Variants in CLIC2 observed in about 807,000 individuals in gnomAD.
CLIC2 encodes the protein chloride intracellular channel protein 2.
In CLIC2, 9 loss-of-function variants were observed where a neutral mutation model predicts 14.8. That is an observed-to-expected ratio of 0.61 (90% CI 0.37 to 1.06). CLIC2 has a LOEUF of 1.06. Among genes scored for constraint, CLIC2 ranks in the 50% least tolerant of loss-of-function variants. The pLI, the probability that CLIC2 is intolerant of heterozygous loss-of-function variation, is 0.01. For missense variants in CLIC2, 148 were observed against 181.4 expected, an observed-to-expected ratio of 0.82 and a Z score of 1.06; for synonymous variants, 61 against 66.3, an observed-to-expected ratio of 0.92 and a Z score of 0.39.
At chrX:155,288,658 G>A (rs1467762055) in intron 3 of CLIC2, among the ~76,000 whole-genome samples, 2 of 111,140 alleles carry the variant, frequency 1.8e-5, no homozygotes, top group African/African-American at 6.6e-5. Context: ...ATAAACAAGT[G>A]CAACATTATT....
intron 3 of CLIC2, among the ~76,000 whole-genome samples, chrX:155,289,279 T>C (rs184909649): frequency 2.7e-3 from 305 of 112,166 alleles, no homozygotes; most frequent in African/African-American, 9.6e-3. Flanking sequence ...CTCAAAGTTA[T>C]GGTTTTTGTA....
rs782093923 is a variant in CLIC2, at chrX:155,279,190, G to A, written c.541C>T (p.Leu181=). Residue 181 remains leucine (L), a synonymous_variant, in exon 5 of 6, where the codon CTG becomes TTG. Transcript: ENST00000369449. Reference sequence around the variant, plus strand: ...TTGGGTAACAAGCTACAATCAGCCAGTGTTAGCTGGTCCCCATCCAAGAAT... The same window carrying A: ...TTGGGTAACAAGCTACAATCAGCCAATGTTAGCTGGTCCCCATCCAAGAAT... The part of the protein sequence containing the change: ...RLFLDGDQLT[L]ADCSLLPKLN... 2 of 1,210,615 alleles carry A rather than the reference G, an allele frequency of 1.7e-6. No homozygotes were observed. The highest frequency in any genetic ancestry group is 1.8e-5 in the South Asian group (1 of 56,943).
rs1395867799 is a variant in CLIC2, at chrX:155,292,249, G to T, written c.293+6536C>A. ...ATCCAGATTTAGAGAGACGAGATTT[G>T]TCTCACAAGGAGAAACTCTACCTGA... On this transcript the variant is annotated intron_variant, in intron 3 of 5. Coordinates refer to ENST00000369449, the MANE Select transcript of CLIC2 (RefSeq NM_001289.6). 5.3e-5 allele frequency: 30 copies of T among 571,387 alleles called. No individual in the cohort carries two copies. In the Admixed American group the frequency reaches 6.7e-4, roughly 13 times the overall value. The allele number at this position is 571,387 out of a possible 1,213,427, so 47.1% of individuals were successfully genotyped here.
intron 3 of CLIC2, among the ~76,000 whole-genome samples, chrX:155,286,744 G>A (rs1557317119): frequency 8.9e-6 from 1 of 112,246 alleles, no homozygotes; most frequent in African/African-American, 3.2e-5. Context: ...TCACTAATGA[G>A]CTTTTTTCAT....
chrX:155,325,687 G>A (rs34255340), intron 1 of CLIC2, among the ~76,000 whole-genome samples: 1 of 97,972 alleles, frequency 1.0e-5, no homozygotes, highest in African/African-American at 3.8e-5. Flanking sequence ...CATGGCACAT[G>A]TATACCTATG....
intron 1 of CLIC2, among the ~76,000 whole-genome samples, chrX:155,312,956 GA>G (rs1301841764): frequency 6.3e-5 from 7 of 110,599 alleles, no homozygotes; most frequent in Admixed American, 3.8e-4. Context: ...ATGAGCGTAT[GA>G]AAAAAAAGTT....
chrX:155,319,572 A>C (rs1376645870), intron 1 of CLIC2, among the ~76,000 whole-genome samples: 1 of 112,202 alleles, frequency 8.9e-6, no homozygotes, highest in Non-Finnish European at 1.9e-5. Context: ...GCAGACCAGG[A>C]GATTCCCTCC....
intron 1 of CLIC2, among the ~76,000 whole-genome samples, chrX:155,314,185 C>A (rs782559346): frequency 1.8e-5 from 2 of 111,143 alleles, no homozygotes; most frequent in East Asian, 5.7e-4. Flanking sequence ...AATACTTAAC[C>A]AGGTGACCCT....
At chrX:155,333,234 T>G (rs1306670412) in intron 1 of CLIC2, among the ~76,000 whole-genome samples, 1 of 111,724 alleles carries the variant, frequency 9.0e-6, no homozygotes, top group African/African-American at 3.2e-5. Flanking sequence ...TTATTTTATG[T>G]CTTTGTAAGC....
intron 3 of CLIC2, among the ~76,000 whole-genome samples, chrX:155,291,726 G>C (rs2074965872): frequency 8.9e-6 from 1 of 112,250 alleles, no homozygotes; most frequent in African/African-American, 3.2e-5. Context: ...ATGCTTAAAT[G>C]TATCTATCAT....
intron 3 of CLIC2, among the ~76,000 whole-genome samples, chrX:155,286,355 C>A (rs1197731710): frequency 8.9e-6 from 1 of 112,090 alleles, no homozygotes; most frequent in Non-Finnish European, 1.9e-5. Context: ...ATATATGTAC[C>A]ACCTTTTCTT....
chrX:155,283,647 C>T (rs1402131744), intron 3 of CLIC2, among the ~76,000 whole-genome samples: 1 of 110,265 alleles, frequency 9.1e-6, no homozygotes, highest in African/African-American at 3.3e-5. Flanking sequence ...TGAGAACATG[C>T]GGTGTTTGGT....
chrX:155,292,131 A>C (rs1188216658), intron 3 of CLIC2: 4 of 566,088 alleles, frequency 7.1e-6, no homozygotes, highest in Admixed American at 6.7e-5. Flanking sequence ...AATTTGATAG[A>C]GTACAAATGG....
chrX:155,284,986 T>A (rs1407385645), intron 3 of CLIC2, among the ~76,000 whole-genome samples: 1 of 112,408 alleles, frequency 8.9e-6, no homozygotes, highest in Non-Finnish European at 1.9e-5. Flanking sequence ...ATTCCAGAGT[T>A]CTGAAAAAGT....
intron 1 of CLIC2, among the ~76,000 whole-genome samples, chrX:155,318,671 TG>T (rs1297249188): frequency 8.9e-6 from 1 of 111,939 alleles, no homozygotes; most frequent in African/African-American, 3.3e-5. Context: ...GCAATTCCCA[TG>T]AAAATACCAC....
At chrX:155,328,428 C>A (rs2075145759) in intron 1 of CLIC2, among the ~76,000 whole-genome samples, 1 of 110,297 alleles carries the variant, frequency 9.1e-6, no homozygotes, top group Admixed American at 9.7e-5. Flanking sequence ...AAATAAAGTA[C>A]ATAGTAATTA....
In CLIC2 at chrX:155,297,884, A is replaced by AAAAAAAG. The variant is rs1557318527; in HGVS notation, c.293+900_293+901insCTTTTTT. 2.7e-4 allele frequency among the ~76,000 whole-genome samples: 12 copies of AAAAAAAG among 45,228 alleles called. 3 individuals carry two copies. Among genetic ancestry groups the AAAAAAAG allele is most frequent in the East Asian group, 1.9e-3 (2 of 1,062 alleles). The allele number at this position is 45,228 out of a possible 115,157, so 39.3% of individuals were successfully genotyped here. A position where few individuals can be genotyped will look rare whatever the true frequency, so the allele number is the denominator to read the frequency against. ...TCAAAAAAAAAAAAAAAAAAAAAAA[A>AAAAAAAG]AAGAAGGTGAACCATCAGAGAGACA... On this transcript the variant is annotated intron_variant, in intron 3 of 5. Transcript: ENST00000369449.
chrX:155,304,403 A>C (rs1483971494), intron 1 of CLIC2, among the ~76,000 whole-genome samples: 1 of 93,350 alleles, frequency 1.1e-5, no homozygotes, highest in Non-Finnish European at 2.2e-5. Flanking sequence ...TTCTTCACGT[A>C]GTTCTCGAGC....
chrX:155,298,694 G>T, intron 3 of CLIC2, 91 bp downstream of exon 3: 1 of 1,064,009 alleles, frequency 9.4e-7, no homozygotes, highest in Non-Finnish European at 1.3e-6. Flanking sequence ...AAATCCAAAA[G>T]TACTTAAATT....
Sources: gnomAD v4.1 joint callset for allele counts (sites outside exome capture counted in the v4.1 genomes callset) on GRCh38, gnomAD v4.1.1 for gene constraint, MANE v1.5 for transcripts, NCBI Gene and HGNC (gene_info 2026-07-23, HGNC 2026-07-21) for gene names.